The following WWOX variants were observed in gnomAD, a reference collection of about 807,000 sequenced individuals.
WWOX encodes the protein WW domain-containing oxidoreductase.
In WWOX, 69 loss-of-function variants were observed where a neutral mutation model predicts 46.2. That is an observed-to-expected ratio of 1.49 (90% CI 1.23 to 1.82). The LOEUF is 1.82. WWOX is among the 40% of genes most tolerant of loss of function. The pLI is 0.00. For missense variants in WWOX, 919 were observed against 542.6 expected (o/e 1.69, Z -6.89); for synonymous variants, 359 against 202.6 (o/e 1.77, Z -6.56).
At position 78,658,923 on chromosome 16, in the gene WWOX, C is replaced by T. The variant is rs1449504358; in HGVS notation, c.1056+226171C>T. ...CCTGGCCAAAATGGCAAAACCCCTT[C>T]TCTATTAAAAATACAAAAATTAGCC... On this transcript the variant is annotated intron_variant, in intron 8 of 8. Transcript: ENST00000566780. 2.7e-5 allele frequency among the ~76,000 whole-genome samples: 3 copies of T among 112,988 alleles called. No homozygotes were observed. In the East Asian group the frequency reaches 8.0e-4, roughly 30 times the overall value. The allele number at this position is 112,988 out of a possible 152,430, so 74.1% of individuals were successfully genotyped here.
At chr16:78,973,003 C>A (rs569027134) in intron 8 of WWOX, among the ~76,000 whole-genome samples, 63 of 152,274 alleles carry the variant, frequency 4.1e-4, no homozygotes, top group African/African-American at 1.3e-3. Flanking sequence ...CCTCCGATCG[C>A]ATTGAAGAGT....
intron 8 of WWOX, among the ~76,000 whole-genome samples, chr16:78,769,824 T>A (rs911624488): frequency 3.3e-5 from 5 of 150,358 alleles, no homozygotes; most frequent in African/African-American, 1.2e-4. Flanking sequence ...GTGGACAACA[T>A]AGGGAGGTCC....
At position 78,200,877 on chromosome 16, in the gene WWOX, A is replaced by G. The variant is rs1236419548; in HGVS notation, c.516+36588A>G. On this transcript the variant is annotated intron_variant, in intron 5 of 8. Transcript: ENST00000566780. Reference sequence around the variant, plus strand: ...CCAAATTCTATTCATGCAATTAAAAATTCCTTTCATTTTTATTTGTGAGAG... The same window carrying G: ...CCAAATTCTATTCATGCAATTAAAAGTTCCTTTCATTTTTATTTGTGAGAG... Among the ~76,000 whole-genome samples the G allele has an allele frequency of 2.0e-5, 3 of 152,202 alleles. No homozygotes were observed. In the East Asian group the frequency reaches 5.8e-4, roughly 29 times the overall value.
At chr16:79,129,816 C>G (rs764736534) in intron 8 of WWOX, among the ~76,000 whole-genome samples, 16 of 152,096 alleles carry the variant, frequency 1.1e-4, no homozygotes, top group Non-Finnish European at 1.8e-4. Context: ...GCTCATGGAC[C>G]AGTCGAAGGA....
chr16:78,160,247 A>T (rs2034748802), intron 4 of WWOX, among the ~76,000 whole-genome samples: 1 of 151,680 alleles, frequency 6.6e-6, no homozygotes, highest in Non-Finnish European at 1.5e-5. Flanking sequence ...AAGTGGCATG[A>T]TCATCCTCCT....
intron 5 of WWOX, among the ~76,000 whole-genome samples, chr16:78,220,718 TG>T (rs1195249325): frequency 1.3e-5 from 2 of 152,208 alleles, no homozygotes; most frequent in Non-Finnish European, 2.9e-5. Context: ...TTACAAATGC[TG>T]GTATGACTAA....
At chr16:78,157,980 C>A (rs2034662429) in intron 4 of WWOX, among the ~76,000 whole-genome samples, 1 of 152,212 alleles carries the variant, frequency 6.6e-6, no homozygotes, top group African/African-American at 2.4e-5. Context: ...CACTTATTCC[C>A]CATTTTACAG....
chr16:79,185,807 G>A (rs1299987494), intron 8 of WWOX, among the ~76,000 whole-genome samples: 4 of 152,038 alleles, frequency 2.6e-5, no homozygotes, highest in Non-Finnish European at 4.4e-5. Flanking sequence ...AGAATGCATC[G>A]GACACTGCCT....
rs567421784 is a variant in WWOX, at chr16:78,916,475, C to G, written c.1057-295133C>G. On this transcript the variant is annotated intron_variant, in intron 8 of 8. Coordinates refer to ENST00000566780, the MANE Select transcript of WWOX (RefSeq NM_016373.4). ...TCGCTAAAGAGAATTTGGGGAGATT[C>G]TGCTCTAAAGGGAAAAGCTTTGTAA... Among the ~76,000 whole-genome samples the G allele has an allele frequency of 2.0e-5, 3 of 152,284 alleles. No homozygotes were observed. In the South Asian group the frequency reaches 6.2e-4, roughly 32 times the overall value.
intron 8 of WWOX, among the ~76,000 whole-genome samples, chr16:78,591,579 G>A (rs2045353316): frequency 6.6e-6 from 1 of 152,126 alleles, no homozygotes; most frequent in Non-Finnish European, 1.5e-5. Flanking sequence ...TTTGGATTTA[G>A]GTTACCATCA....
intron 6 of WWOX, among the ~76,000 whole-genome samples, chr16:78,418,337 C>T (rs1267651753): frequency 1.3e-5 from 2 of 151,542 alleles, no homozygotes; most frequent in African/African-American, 2.4e-5. Context: ...GCACTCCAGC[C>T]TGGGCAGGAG....
chr16:79,195,819 T>C (rs1393148172), intron 8 of WWOX, among the ~76,000 whole-genome samples: 4 of 152,200 alleles, frequency 2.6e-5, no homozygotes, highest in Non-Finnish European at 4.4e-5. Context: ...GAGTTTGACA[T>C]TGTAGATGCA....
At chr16:78,888,261 A>G (rs1245228668) in intron 8 of WWOX, among the ~76,000 whole-genome samples, 1 of 152,158 alleles carries the variant, frequency 6.6e-6, no homozygotes, top group African/African-American at 2.4e-5. Flanking sequence ...CCCTTCTGAA[A>G]GTGACTTGAG....
At chr16:78,663,739 T>A (rs554997288) in intron 8 of WWOX, among the ~76,000 whole-genome samples, 20 of 152,242 alleles carry the variant, frequency 1.3e-4, no homozygotes, top group African/African-American at 4.6e-4. Context: ...GTGTGATCAG[T>A]GATGGCTTTT....
At chr16:78,681,615 G>A (rs959687489) in intron 8 of WWOX, among the ~76,000 whole-genome samples, 1 of 151,898 alleles carries the variant, frequency 6.6e-6, no homozygotes, top group Non-Finnish European at 1.5e-5. Context: ...AGAATCTCTA[G>A]GGACAGACCG....
At chr16:78,738,428 C>G (rs1475392373) in intron 8 of WWOX, among the ~76,000 whole-genome samples, 1 of 152,106 alleles carries the variant, frequency 6.6e-6, no homozygotes, top group Non-Finnish European at 1.5e-5. Context: ...AAAGGAAAAT[C>G]TGGATTCAGG....
intron 8 of WWOX, among the ~76,000 whole-genome samples, chr16:79,081,768 C>T (rs2048764629): frequency 6.6e-6 from 1 of 152,110 alleles, no homozygotes; most frequent in Non-Finnish European, 1.5e-5. Flanking sequence ...CTGTCTCACG[C>T]TGGATGCTCC....
At chr16:78,381,954 T>G (rs188819411) in intron 5 of WWOX, among the ~76,000 whole-genome samples, 1 of 152,282 alleles carries the variant, frequency 6.6e-6, no homozygotes, top group Admixed American at 6.5e-5. Context: ...CAGCCTCGAC[T>G]TTCCAGGTTC....
intron 8 of WWOX, among the ~76,000 whole-genome samples, chr16:78,909,499 C>T (rs550458429): frequency 7.9e-5 from 12 of 152,172 alleles, no homozygotes; most frequent in Non-Finnish European, 1.5e-4. Context: ...AAAGTGTGCA[C>T]GGTTGGCCTC....
Sources: allele counts gnomAD v4.1 joint callset (sites outside exome capture counted in the v4.1 genomes callset), GRCh38; gene constraint gnomAD v4.1.1; transcripts MANE v1.5; gene names NCBI Gene and HGNC (gene_info 2026-07-23, HGNC 2026-07-21).